Variants in BLTP1 observed in about 807,000 individuals in gnomAD.
BLTP1 encodes bridge-like lipid transfer protein family member 1, also known as fragile site-associated protein.
chr4:122,299,372 AGT>A, the BLTP1 span, among the ~76,000 whole-genome samples: 1 of 152,208 alleles, frequency 6.6e-6, no homozygotes, highest in East Asian at 1.9e-4. Flanking sequence ...ACAGAATGTA[AGT>A]GAGGGGATAA....
chr4:122,279,521 C>T, the BLTP1 span, among the ~76,000 whole-genome samples: 2 of 152,096 alleles, frequency 1.3e-5, no homozygotes, highest in Admixed American at 6.6e-5. Flanking sequence ...GATGGGGGCT[C>T]TGTCAAACTG....
chr4:122,303,867 C>T, the BLTP1 span, among the ~76,000 whole-genome samples: 44 of 152,246 alleles, frequency 2.9e-4, no homozygotes, highest in African/African-American at 9.1e-4. Flanking sequence ...ATGCTGTAAA[C>T]ACTGTTGAAA....
At chr4:122,181,568 A>T in the BLTP1 span, among the ~76,000 whole-genome samples, 1 of 151,910 alleles carries the variant, frequency 6.6e-6, no homozygotes, top group Non-Finnish European at 1.5e-5. Flanking sequence ...TAGTGAACAT[A>T]ATCTGTTTTT....
chr4:122,190,600 T>G, the BLTP1 span: 1 of 615,288 alleles, frequency 1.6e-6, no homozygotes, highest in African/African-American at 2.0e-5. Flanking sequence ...GAACATTATT[T>G]TTTTCAAATT....
At chr4:122,154,370 G>A in the BLTP1 span, 1 of 984,550 alleles carries the variant, frequency 1.0e-6, no homozygotes, top group Non-Finnish European at 1.2e-6. Context: ...GGGAATGGGG[G>A]TGGGGTGGTG....
chr4:122,217,588 C>T, the BLTP1 span, among the ~76,000 whole-genome samples: 326 of 152,196 alleles, frequency 2.1e-3, 2 homozygotes, highest in Non-Finnish European at 3.6e-3. Context: ...GGTGAATTAT[C>T]TTTTTGATAT....
chr4:122,209,337 A>G, the BLTP1 span: 1 of 1,611,182 alleles, frequency 6.2e-7, no homozygotes, highest in Admixed American at 1.7e-5. Context: ...ACTCAGGAAA[A>G]GTGAGTACGT....
At chr4:122,356,272 C>G in the BLTP1 span, among the ~76,000 whole-genome samples, 2 of 152,138 alleles carry the variant, frequency 1.3e-5, no homozygotes, top group African/African-American at 4.8e-5. Flanking sequence ...ATCCAAAAAT[C>G]TGAAATGCCC....
At chr4:122,168,572 T>C in the BLTP1 span, among the ~76,000 whole-genome samples, 1 of 152,104 alleles carries the variant, frequency 6.6e-6, no homozygotes, top group Non-Finnish European at 1.5e-5. Context: ...AGTATTTGCT[T>C]CCTTTTTAAA....
the BLTP1 span, chr4:122,207,507 TTTTC>T: frequency 4.5e-6 from 7 of 1,538,976 alleles, no homozygotes; most frequent in Non-Finnish European, 6.1e-6. Flanking sequence ...TAAATTTACT[TTTTC>T]TTCTTTTTTT....
At chr4:122,259,006 A>G in the BLTP1 span, among the ~76,000 whole-genome samples, 2 of 152,194 alleles carry the variant, frequency 1.3e-5, no homozygotes, top group Non-Finnish European at 2.9e-5. Context: ...TTCTTTGAAA[A>G]TTGTATCATC....
the BLTP1 span, chr4:122,362,373 T>C: frequency 4.0e-6 from 3 of 741,454 alleles, no homozygotes; most frequent in African/African-American, 3.5e-5. Flanking sequence ...TAATTAAAAG[T>C]TTGTAAGTTA....
At chr4:122,197,141 T>C in the BLTP1 span, 1 of 816,162 alleles carries the variant, frequency 1.2e-6, no homozygotes, top group Non-Finnish European at 1.9e-6. Context: ...AAAGTAAAGA[T>C]GGGAGAATAA....
chr4:122,235,715 G>GA, the BLTP1 span: 1 of 152,576 alleles, frequency 6.6e-6, no homozygotes, highest in African/African-American at 2.4e-5. Flanking sequence ...TGAGGCAGGA[G>GA]AATGGTGTGA....
At chr4:122,209,771 A>G in the BLTP1 span, 1 of 1,594,428 alleles carries the variant, frequency 6.3e-7, no homozygotes, top group South Asian at 1.2e-5. Flanking sequence ...CTGTACAATT[A>G]AAGGAATGAG....
the BLTP1 span, chr4:122,274,759 C>T: frequency 1.6e-5 from 5 of 307,034 alleles, no homozygotes; most frequent in African/African-American, 4.5e-5. Context: ...TGTTGTGCTA[C>T]TGTTATCCTG....
the BLTP1 span, among the ~76,000 whole-genome samples, chr4:122,318,489 A>C: frequency 6.6e-6 from 1 of 152,228 alleles, no homozygotes; most frequent in Non-Finnish European, 1.5e-5. Context: ...ACAGCTAGTA[A>C]TCCTGGGGAA....
the BLTP1 span, among the ~76,000 whole-genome samples, chr4:122,233,995 C>T: frequency 1.3e-5 from 2 of 151,510 alleles, no homozygotes; most frequent in Admixed American, 1.3e-4. Flanking sequence ...CTTGAGAATC[C>T]AAGGTGATAA....
chr4:122,211,042 G>C, the BLTP1 span: 5 of 1,608,236 alleles, frequency 3.1e-6, no homozygotes, highest in South Asian at 5.5e-5. Context: ...ACTTTCTCCA[G>C]ATTCTCAGAT....
Sources: allele counts gnomAD v4.1 joint callset (sites outside exome capture counted in the v4.1 genomes callset), GRCh38; gene constraint gnomAD v4.1.1; transcripts MANE v1.5; gene names NCBI Gene and HGNC (gene_info 2026-07-23, HGNC 2026-07-21).